Variants in DPP10 observed in about 807,000 individuals in gnomAD.
The protein encoded by DPP10 is dipeptidyl peptidase like 10.
Under a neutral mutation model 120.9 loss-of-function variants are expected in DPP10, and 33 were observed. The observed-to-expected ratio is 0.27, with a 90% CI of 0.21 to 0.37. The LOEUF (loss-of-function observed/expected upper bound fraction) is 0.37, where lower values mean the gene tolerates loss of function less well. Ranked by LOEUF, DPP10 falls within the 10% of genes least tolerant of loss-of-function variation. The pLI is 1.00. For synonymous variants in DPP10, 337 were observed against 326.1 expected (o/e 1.03, Z -0.36); for missense variants, 816 against 942.8 (o/e 0.87, Z 1.76).
At chr2:115,085,722 A>T (rs2104522366) in intron 1 of DPP10, among the ~76,000 whole-genome samples, 1 of 152,292 alleles carries the variant, frequency 6.6e-6, no homozygotes, top group Admixed American at 6.5e-5. Context: ...TTTTTAGCCC[A>T]GTCCTATTAT....
chr2:114,446,941 T>C (rs963800333), intron 1 of DPP10, among the ~76,000 whole-genome samples: 2 of 152,186 alleles, frequency 1.3e-5, no homozygotes, highest in South Asian at 4.1e-4. Flanking sequence ...AATAATTTCG[T>C]TAGCAAATTG....
chr2:114,500,572 A>G (rs1683065786), intron 1 of DPP10, among the ~76,000 whole-genome samples: 2 of 152,154 alleles, frequency 1.3e-5, no homozygotes, highest in African/African-American at 4.8e-5. Flanking sequence ...GGCAGTAAAA[A>G]CCAAGACCTG....
At chr2:115,586,708 T>A (rs2082310591) in intron 5 of DPP10, among the ~76,000 whole-genome samples, 2 of 152,198 alleles carry the variant, frequency 1.3e-5, no homozygotes, top group South Asian at 4.1e-4. Context: ...TCCATTTTAC[T>A]TGTTTGCCAA....
At chr2:114,596,091 CT>C (rs1226206153) in intron 1 of DPP10, among the ~76,000 whole-genome samples, 6 of 152,004 alleles carry the variant, frequency 3.9e-5, no homozygotes, top group Non-Finnish European at 4.4e-5. Context: ...CTAATTTCAC[CT>C]GAATTTTTGG....
chr2:114,941,391 G>A (rs924394162), intron 1 of DPP10, among the ~76,000 whole-genome samples: 4 of 152,164 alleles, frequency 2.6e-5, no homozygotes, highest in African/African-American at 9.7e-5. Context: ...CAGTTACCCA[G>A]AGGAGCTTCT....
chr2:115,734,655 TAAAAAAAAAAAAA>T (rs55950813), intron 8 of DPP10, among the ~76,000 whole-genome samples: 2 of 100,430 alleles, frequency 2.0e-5, no homozygotes, highest in Non-Finnish European at 3.6e-5. Context: ...GACTCTGTCT[TAAAAAAAAAAAAA>T]AAAAAAAAAA....
chr2:115,375,156 C>G (rs1430428526), intron 3 of DPP10, among the ~76,000 whole-genome samples: 1 of 152,132 alleles, frequency 6.6e-6, no homozygotes, highest in Admixed American at 6.5e-5. Flanking sequence ...AATTTCAGAC[C>G]ATCTCTCAGG....
At chr2:114,514,845 G>A (rs904902532) in intron 1 of DPP10, among the ~76,000 whole-genome samples, 36 of 150,128 alleles carry the variant, frequency 2.4e-4, no homozygotes, top group African/African-American at 8.3e-4. Flanking sequence ...CAGAGTATCT[G>A]CCCTAATTTC....
At chr2:114,466,800 T>C (rs1679420109) in intron 1 of DPP10, among the ~76,000 whole-genome samples, 1 of 152,102 alleles carries the variant, frequency 6.6e-6, no homozygotes, top group Admixed American at 6.6e-5. Flanking sequence ...TCCCAGCACT[T>C]TGGGAGGCTG....
chr2:115,825,188 A>T (rs1373625491), intron 21 of DPP10, among the ~76,000 whole-genome samples: 1 of 152,226 alleles, frequency 6.6e-6, no homozygotes, highest in East Asian at 1.9e-4. Context: ...GATTATAAGC[A>T]TGCATTCCAC....
intron 5 of DPP10, among the ~76,000 whole-genome samples, chr2:115,591,443 T>C (rs1437059917): frequency 1.3e-5 from 2 of 152,194 alleles, no homozygotes; most frequent in Non-Finnish European, 2.9e-5. Flanking sequence ...TTTGTCAGGT[T>C]TTTCAAAGAT....
chr2:115,299,795 AATT>A (rs756162595), intron 1 of DPP10, among the ~76,000 whole-genome samples: 7 of 152,030 alleles, frequency 4.6e-5, no homozygotes, highest in South Asian at 2.1e-4. Context: ...TTGTTTTCAA[AATT>A]ATTATTTTAT....
chr2:114,823,362 C>T (rs114585887), intron 1 of DPP10, among the ~76,000 whole-genome samples: 2 of 152,084 alleles, frequency 1.3e-5, no homozygotes, highest in African/African-American at 4.8e-5. Flanking sequence ...AATCACCCCC[C>T]ACGAAGTCCC....
intron 5 of DPP10, among the ~76,000 whole-genome samples, chr2:115,586,379 C>T (rs1286240981): frequency 6.6e-6 from 1 of 152,038 alleles, no homozygotes; most frequent in Non-Finnish European, 1.5e-5. Flanking sequence ...AGCAAATGTT[C>T]TTAGAAAAAC....
rs181779615 is a variant in DPP10, at chr2:115,159,726, G to A, written c.61-149513G>A. ...GCATTTTATAAATAAAAAAATTCAC[G>A]CACACATACACACACAGACCCCCAC... On this transcript the variant is annotated intron_variant, in intron 1 of 25. Coordinates refer to ENST00000410059, the MANE Select transcript of DPP10 (RefSeq NM_020868.6). 4.6e-5 allele frequency among the ~76,000 whole-genome samples: 7 copies of A among 152,074 alleles called. No individual in the cohort carries two copies. In the East Asian group the frequency reaches 7.7e-4, roughly 17 times the overall value.
At chr2:115,788,703 T>C (rs1167693760) in intron 17 of DPP10, among the ~76,000 whole-genome samples, 2 of 152,158 alleles carry the variant, frequency 1.3e-5, no homozygotes, top group South Asian at 2.1e-4. Flanking sequence ...AGAAATACAG[T>C]ATATAAATAT....
intron 17 of DPP10, among the ~76,000 whole-genome samples, chr2:115,790,538 A>C (rs1328103049): frequency 6.6e-6 from 1 of 152,116 alleles, no homozygotes; most frequent in Non-Finnish European, 1.5e-5. Context: ...CTGTATTTTC[A>C]AGGTCATTAC....
At chr2:114,504,460 A>G (rs971617218) in intron 1 of DPP10, among the ~76,000 whole-genome samples, 14 of 152,054 alleles carry the variant, frequency 9.2e-5, no homozygotes, top group Non-Finnish European at 1.6e-4. Context: ...CCAGCCTGCA[A>G]CTAAGCCCTT....
chr2:115,514,493 G>T (rs543527566), intron 4 of DPP10, among the ~76,000 whole-genome samples: 8 of 151,318 alleles, frequency 5.3e-5, no homozygotes, highest in Non-Finnish European at 3.0e-5. Flanking sequence ...ATAAAACATG[G>T]TCTAATAATC....
Sources: gnomAD v4.1 joint callset for allele counts (sites outside exome capture counted in the v4.1 genomes callset) on GRCh38, gnomAD v4.1.1 for gene constraint, MANE v1.5 for transcripts, NCBI Gene and HGNC (gene_info 2026-07-23, HGNC 2026-07-21) for gene names.